Variants in BMP2K observed in about 807,000 individuals in gnomAD.
The protein encoded by BMP2K is BMP-2-inducible protein kinase.
A neutral mutation model predicts 116.0 loss-of-function variants in BMP2K; 74 were observed. That is an observed-to-expected ratio of 0.64 (90% CI 0.53 to 0.77). BMP2K has a LOEUF of 0.77. BMP2K is among the 30% of genes least tolerant of loss of function. The pLI is 0.00. For missense variants in BMP2K, 1,365 were observed against 1,403.6 expected (o/e 0.97, Z 0.44); for synonymous variants, 486 against 502.5 (o/e 0.97, Z 0.44).
intron 1 of BMP2K, among the ~76,000 whole-genome samples, chr4:78,809,229 A>G (rs758556063): frequency 6.6e-6 from 1 of 151,876 alleles, no homozygotes; most frequent in Non-Finnish European, 1.5e-5. Context: ...TTTAGTCACA[A>G]TTTTTGTCTG....
At chr4:78,874,835 C>T (rs917327424) in intron 13 of BMP2K, among the ~76,000 whole-genome samples, 2 of 152,186 alleles carry the variant, frequency 1.3e-5, no homozygotes, top group African/African-American at 4.8e-5. Context: ...GCTTTATTCT[C>T]ATTTGTAGTG....
chr4:78,914,010 T>G lies in BMP2K; in HGVS notation c.*1977T>G, dbSNP rs1160855784. ...TTCAAGTGATACTTTCTTTTAAAAG[T>G]GAAGAGTTGATGATTACACATAGTA... is the stretch of plus-strand genomic sequence containing the variant. On this transcript the variant is annotated 3_prime_UTR_variant, in exon 16 of 16. Coordinates refer to ENST00000502613, the MANE Select transcript of BMP2K (RefSeq NM_198892.2). The G allele has an allele frequency of 6.6e-6, 1 of 152,000 alleles. No homozygotes were observed. The highest frequency in any genetic ancestry group is 1.9e-4 in the East Asian group (1 of 5,202). 9.4% of individuals were successfully genotyped at this position (152,000 alleles called of 1,614,324 possible).
intron 10 of BMP2K, among the ~76,000 whole-genome samples, chr4:78,869,754 G>C (rs1052256107): frequency 9.2e-5 from 14 of 152,132 alleles, no homozygotes; most frequent in African/African-American, 3.4e-4. Context: ...AATGATGGTT[G>C]TATCTGTGTG....
At chr4:78,867,413 A>G (rs1328817251) in intron 10 of BMP2K, among the ~76,000 whole-genome samples, 3 of 152,170 alleles carry the variant, frequency 2.0e-5, no homozygotes, top group South Asian at 2.1e-4. Context: ...AGATTATTCA[A>G]CAGGAGAGCA....
chr4:78,835,197 A>G lies in BMP2K; in HGVS notation c.403+1510A>G, dbSNP rs372440385. Among the ~76,000 whole-genome samples the G allele has an allele frequency of 5.3e-5, 8 of 152,354 alleles. No homozygotes were observed. In the South Asian group the frequency reaches 1.7e-3, roughly 32 times the overall value. Reference sequence around the variant, plus strand: ...TATTTTAAAGTAGAAGAATGATCATATCTGTTTTTTGAGGAATGCATTGTT... The same window carrying G: ...TATTTTAAAGTAGAAGAATGATCATGTCTGTTTTTTGAGGAATGCATTGTT... On this transcript the variant is annotated intron_variant, in intron 3 of 15. Transcript: ENST00000502613.
At chr4:78,816,369 T>C (rs1405182734) in intron 1 of BMP2K, among the ~76,000 whole-genome samples, 1 of 152,178 alleles carries the variant, frequency 6.6e-6, no homozygotes, top group Non-Finnish European at 1.5e-5. Flanking sequence ...TCCTGTTTAT[T>C]AACCTTTCAT....
In BMP2K at chr4:78,817,549, C is replaced by T. The variant is rs1184050708; in HGVS notation, c.179-8488C>T. ...TGCTGAGTGCAGAAGTTTTTATCCC[C>T]ATGCTAGGTACACCACTCTGCCAGT... On this transcript the variant is annotated intron_variant, in intron 1 of 15. Coordinates refer to ENST00000502613, the MANE Select transcript of BMP2K (RefSeq NM_198892.2). Among the ~76,000 whole-genome samples, 4 of 152,170 alleles carry T rather than the reference C, an allele frequency of 2.6e-5. 1 individual carries two copies. Among genetic ancestry groups the T allele is most frequent in the Admixed American group, 1.3e-4 (2 of 15,278 alleles).
At chr4:78,901,230 A>AT (rs11355746) in intron 15 of BMP2K, among the ~76,000 whole-genome samples, 284 of 142,140 alleles carry the variant, frequency 2.0e-3, no homozygotes, top group Middle Eastern at 3.4e-3. Flanking sequence ...TTATTTTATT[A>AT]TTTTTTTTTT....
intron 1 of BMP2K, among the ~76,000 whole-genome samples, chr4:78,789,928 C>T (rs1166926033): frequency 2.0e-5 from 3 of 152,156 alleles, no homozygotes; most frequent in Admixed American, 6.6e-5. Flanking sequence ...GGTTATGGCG[C>T]GTGGAGTCTG....
At chr4:78,859,140 CAT>C (rs1246324194) in intron 7 of BMP2K, 1 of 152,184 alleles carries the variant, frequency 6.6e-6, no homozygotes, top group African/African-American at 2.4e-5. Flanking sequence ...TAGATTATAA[CAT>C]ATACAATTTA....
rs115043667 is a variant in BMP2K at position 78,835,923 on chromosome 4, T to C, written c.403+2236T>C. On this transcript the variant is annotated intron_variant, in intron 3 of 15. Transcript: ENST00000502613. The stretch of plus-strand genomic sequence containing the variant: ...CTTTTGATGTTTTAGATATTGTCTC[T>C]AAGAAAAGATAGGAATTTTACTTCT... Among the ~76,000 whole-genome samples the C allele has an allele frequency of 4.5e-3, 682 of 152,288 alleles. 2 individuals are homozygous for C. The highest frequency in any genetic ancestry group is 0.016 in the African/African-American group (645 of 41,556).
At chr4:78,828,472 C>T (rs1228079751) in intron 2 of BMP2K, among the ~76,000 whole-genome samples, 1 of 152,254 alleles carries the variant, frequency 6.6e-6, no homozygotes, top group East Asian at 1.9e-4. Context: ...AGCATTCCTT[C>T]CCCCAGGGTA....
Position 78,887,218 on chromosome 4 carries a change from C to G in BMP2K, c.1996C>G (p.Leu666Val). Residue 666 changes from leucine to valine, a missense_variant, in exon 15 of 16, where the codon CTT becomes GTT. Coordinates refer to ENST00000502613, the MANE Select transcript of BMP2K (RefSeq NM_198892.2). ...RASSDKNVDS[L>V]SAPHNHPPED... The stretch of plus-strand genomic sequence containing the variant: ...ATCCTCAGATAAGAATGTAGACTCA[C>G]TTTCTGCTCCACATAACCATCCTCC... The G allele has an allele frequency of 6.2e-7, 1 of 1,611,944 alleles. No individual in the cohort carries two copies. Among genetic ancestry groups the G allele is most frequent in the South Asian group, 1.1e-5 (1 of 90,458 alleles).
At chr4:78,811,094 T>C (rs938307603) in intron 1 of BMP2K, among the ~76,000 whole-genome samples, 6 of 152,246 alleles carry the variant, frequency 3.9e-5, no homozygotes, top group African/African-American at 1.4e-4. Context: ...TTTCCCTGCA[T>C]GTACCTCACT....
chr4:78,876,187 T>C (rs537971351), intron 13 of BMP2K, among the ~76,000 whole-genome samples: 1 of 152,192 alleles, frequency 6.6e-6, no homozygotes, highest in South Asian at 2.1e-4. Context: ...CCGAAAGTTC[T>C]AAAAGGAATG....
intron 1 of BMP2K, among the ~76,000 whole-genome samples, chr4:78,823,119 C>A (rs139031330): frequency 1.3e-5 from 2 of 152,220 alleles, no homozygotes; most frequent in African/African-American, 2.4e-5. Context: ...TGAAGTTCAA[C>A]GTATCTTCTG....
intron 1 of BMP2K, 97 bp downstream of exon 1, chr4:78,776,818 A>C: frequency 9.3e-7 from 1 of 1,080,520 alleles, no homozygotes; most frequent in Non-Finnish European, 1.2e-6. Flanking sequence ...TGACTCTTAT[A>C]CCCCATTCTT....
chr4:78,794,265 T>A (rs1310357065), intron 1 of BMP2K, among the ~76,000 whole-genome samples: 1 of 152,132 alleles, frequency 6.6e-6, no homozygotes, highest in Non-Finnish European at 1.5e-5. Flanking sequence ...TCTTGACCTC[T>A]CAAGTTGGAA....
At chr4:78,792,525 CATCTT>C (rs1728052435) in intron 1 of BMP2K, among the ~76,000 whole-genome samples, 1 of 152,168 alleles carries the variant, frequency 6.6e-6, no homozygotes, top group South Asian at 2.1e-4. Context: ...ACAAATTACA[CATCTT>C]ATTAATGTAG....
Sources: gnomAD v4.1 joint callset for allele counts (sites outside exome capture counted in the v4.1 genomes callset) on GRCh38, gnomAD v4.1.1 for gene constraint, MANE v1.5 for transcripts, NCBI Gene and HGNC (gene_info 2026-07-23, HGNC 2026-07-21) for gene names.